The following CELSR1 variants were observed in gnomAD, a reference collection of about 807,000 sequenced individuals.
CELSR1 encodes cadherin EGF LAG seven-pass G-type receptor 1, also known as adhesion G protein-coupled receptor C1.
Under a neutral mutation model 249.1 loss-of-function variants are expected in CELSR1, and 110 were observed. The ratio of observed to expected loss-of-function variants is 0.44; its 90% CI spans 0.38 to 0.52. The LOEUF is 0.52. Among genes scored for constraint, CELSR1 ranks in the 20% least tolerant of loss-of-function variants. The pLI is 0.00. For missense variants in CELSR1, 4,109 were observed against 4,296.4 expected (o/e 0.96, Z 1.22); for synonymous variants, 2,113 against 1,900.0 (o/e 1.11, Z -2.92).
intron 2 of CELSR1, among the ~76,000 whole-genome samples, chr22:46,463,106 G>C (rs3788696): frequency 0.48 from 72,960 of 152,118 alleles, 17,941 homozygotes; most frequent in East Asian, 0.63. Context: ...TTTCTTTTAA[G>C]TGGATCTCAC....
At chr22:46,400,392 C>T (rs576543620) in intron 9 of CELSR1, among the ~76,000 whole-genome samples, 12 of 150,384 alleles carry the variant, frequency 8.0e-5, no homozygotes, top group African/African-American at 2.2e-4. Flanking sequence ...AATCCCAGCA[C>T]GTTGGGAGGC....
intron 1 of CELSR1, among the ~76,000 whole-genome samples, chr22:46,489,899 A>C (rs1190598212): frequency 6.6e-5 from 10 of 151,388 alleles, no homozygotes; most frequent in Middle Eastern, 3.4e-3. Context: ...TTCTCAAAAA[A>C]AAAAAAGCCC....
chr22:46,459,040 G>C (rs909208556), intron 2 of CELSR1, among the ~76,000 whole-genome samples: 16 of 150,566 alleles, frequency 1.1e-4, no homozygotes, highest in African/African-American at 3.9e-4. Flanking sequence ...CTACAGGCGT[G>C]TGCCACCACA....
Position 46,409,765 on chromosome 22 carries a change from G to T in CELSR1, c.5049C>A (p.Asn1683Lys). ...CECPLRFGGK[N>K]CEQAMPHPQL... ...ACGCCGGCCACTCACCTTGCTCACA[G>T]TTCTTCCCGCCGAATCGGAGTGGAC... Residue 1683 changes from asparagine to lysine, a missense_variant, in exon 8 of 35, where the codon AAC becomes AAA. Transcript: ENST00000674500. The surrounding 1 kb of genome is among the most constrained non-coding windows in gnomAD (Gnocchi z 9.8). 1 of 1,613,396 alleles carries T rather than the reference G, an allele frequency of 6.2e-7. No individual in the cohort carries two copies. Among genetic ancestry groups the T allele is most frequent in the Non-Finnish European group, 8.5e-7 (1 of 1,180,010 alleles).
Position 46,446,694 on chromosome 22 carries a change from C to G in CELSR1, c.4184-7283G>C, listed in dbSNP as rs1055350871. 6.6e-6 allele frequency among the ~76,000 whole-genome samples: 1 copy of G among 152,128 alleles called. No homozygotes were observed. The highest frequency in any genetic ancestry group is 2.4e-5 in the African/African-American group (1 of 41,418). ...AAAAAATGCCAGGATTTCCCCAGTT[C>G]CAAGCCAATGACTGATGCCTGCACT... On this transcript the variant is annotated intron_variant, in intron 2 of 34. Coordinates refer to ENST00000674500, the MANE Select transcript of CELSR1 (RefSeq NM_001378328.1). This position sits in a 1 kb window ranked among gnomAD's most constrained non-coding sequence, Gnocchi z 5.5.
intron 1 of CELSR1, among the ~76,000 whole-genome samples, chr22:46,486,259 T>C (rs2080312037): frequency 6.7e-6 from 1 of 150,150 alleles, no homozygotes; most frequent in East Asian, 2.1e-4. Context: ...TTTAAAGTCA[T>C]GCATCAAGGC....
chr22:46,381,554 T>TCC lies in CELSR1; in HGVS notation c.7088+290_7088+291dup, dbSNP rs767986752. On this transcript the variant is annotated intron_variant, in intron 21 of 34. Transcript: ENST00000674500. The surrounding 1 kb of genome is among the most constrained non-coding windows in gnomAD (Gnocchi z 6.0). ...CCAGGTGTGTGGGGACAGAATGGGGTCCCTCTGGGCACAAGATGGGGTGTA... is the reference window on the plus strand; with the variant it reads ...CCAGGTGTGTGGGGACAGAATGGGGTCCCCCTCTGGGCACAAGATGGGGTGTA... Among the ~76,000 whole-genome samples the TCC allele has an allele frequency of 1.3e-5, 2 of 152,064 alleles. No homozygotes were observed. The highest frequency in any genetic ancestry group is 2.9e-5 in the Non-Finnish European group (2 of 68,014).
chr22:46,415,707 ATCCT>A (rs2079392007), intron 5 of CELSR1, among the ~76,000 whole-genome samples: 1 of 152,016 alleles, frequency 6.6e-6, no homozygotes, highest in South Asian at 2.1e-4. Flanking sequence ...TTTCGGGAAG[ATCCT>A]TCCAATTTTT....
In CELSR1 at chr22:46,393,629, T is replaced by C. The variant is rs1569130639; in HGVS notation, c.5964+513A>G. 1.3e-5 allele frequency among the ~76,000 whole-genome samples: 2 copies of C among 151,152 alleles called. No individual in the cohort carries two copies. The highest frequency in any genetic ancestry group is 2.9e-5 in the Non-Finnish European group (2 of 67,918). The stretch of plus-strand genomic sequence containing the variant: ...GGTGGGCGCCTATAATCCCAGCTAC[T>C]CAGGAGGCTGAGGCAGAAGAATTGC... On this transcript the variant is annotated intron_variant, in intron 14 of 34. Coordinates refer to ENST00000674500, the MANE Select transcript of CELSR1 (RefSeq NM_001378328.1). The surrounding 1 kb of genome is among the most constrained non-coding windows in gnomAD (Gnocchi z 4.1).
At chr22:46,385,540 C>T (rs191497221) in intron 19 of CELSR1, among the ~76,000 whole-genome samples, 7 of 152,274 alleles carry the variant, frequency 4.6e-5, no homozygotes, top group Admixed American at 2.0e-4. Flanking sequence ...GAAGCCCTGC[C>T]GGACCCCCAA....
intron 1 of CELSR1, among the ~76,000 whole-genome samples, chr22:46,531,502 G>C (rs904949914): frequency 6.6e-6 from 1 of 152,156 alleles, no homozygotes; most frequent in Non-Finnish European, 1.5e-5. Flanking sequence ...CACTGCGCCT[G>C]GTCATATGCC....
At chr22:46,371,165 G>T (rs76029134) in intron 25 of CELSR1, among the ~76,000 whole-genome samples, 1 of 152,108 alleles carries the variant, frequency 6.6e-6, no homozygotes. Flanking sequence ...GGGTGGAGGT[G>T]AAAAAGGTTC....
rs1368480201 is a variant in CELSR1, at chr22:46,472,842, C to T, written c.3545-8497G>A. On this transcript the variant is annotated intron_variant, in intron 1 of 34. Coordinates refer to ENST00000674500, the MANE Select transcript of CELSR1 (RefSeq NM_001378328.1). The surrounding 1 kb of genome is among the most constrained non-coding windows in gnomAD (Gnocchi z 7.0). ...TTGGCTCCTAGGTGCACCCCTCTGGCCTCTGCCTCTGCGCCAAGTGGCTAT... is the reference window on the plus strand; with the variant it reads ...TTGGCTCCTAGGTGCACCCCTCTGGTCTCTGCCTCTGCGCCAAGTGGCTAT... 3.9e-5 allele frequency among the ~76,000 whole-genome samples: 6 copies of T among 152,168 alleles called. No homozygotes were observed. The highest frequency in any genetic ancestry group is 7.3e-5 in the Non-Finnish European group (5 of 68,044).
intron 1 of CELSR1, among the ~76,000 whole-genome samples, chr22:46,480,228 T>C (rs1341253656): frequency 6.6e-6 from 1 of 152,192 alleles, no homozygotes; most frequent in Non-Finnish European, 1.5e-5. Context: ...CCACAATTAG[T>C]GTGTCGTCGC....
chr22:46,412,411 A>G lies in CELSR1; in HGVS notation c.4612-652T>C, dbSNP rs758618125. Among the ~76,000 whole-genome samples, 1 of 152,008 alleles carries G rather than the reference A, an allele frequency of 6.6e-6. No individual in the cohort carries two copies. The highest frequency in any genetic ancestry group is 2.4e-5 in the African/African-American group (1 of 41,374). ...CTGCTCTTCTGGGGGTGTCCTCCTG[A>G]CCACGGCACCTGGCCAGGTTCGTGC... is the stretch of plus-strand genomic sequence containing the variant. On this transcript the variant is annotated intron_variant, in intron 5 of 34. Coordinates refer to ENST00000674500, the MANE Select transcript of CELSR1 (RefSeq NM_001378328.1). The surrounding 1 kb of genome is among the most constrained non-coding windows in gnomAD (Gnocchi z 4.5).
chr22:46,536,150 C>T lies in CELSR1; in HGVS notation c.1021G>A (p.Val341Ile). 1 of 1,613,016 alleles carries T rather than the reference C, an allele frequency of 6.2e-7. No homozygotes were observed. Among genetic ancestry groups the T allele is most frequent in the Admixed American group, 1.7e-5 (1 of 60,034 alleles). The change falls in exon 1 of 35, where the codon GTC becomes ATC. Residue 341 changes from valine (V) to isoleucine (I), a missense_variant. Val to Ile is a conservative substitution (Grantham distance 29, BLOSUM62 3). This residue lies in a region of CELSR1 where 673 missense variants were observed against 636.8 expected (regional missense o/e 1.06). Coordinates refer to ENST00000674500, the MANE Select transcript of CELSR1 (RefSeq NM_001378328.1). The part of the protein sequence containing the change: ...PPRSATTYIT[V>I]LVKDTNDHSP... Reference sequence around the variant, plus strand: ...TGGTCGTTGGTGTCTTTGACCAAGACAGTGATGTAGGTGGTGGCCGAGCGC... The same window carrying T: ...TGGTCGTTGGTGTCTTTGACCAAGATAGTGATGTAGGTGGTGGCCGAGCGC...
rs2080336864 is a variant in CELSR1, at chr22:46,488,448, T to C, written c.3545-24103A>G. Among the ~76,000 whole-genome samples the C allele has an allele frequency of 6.6e-6, 1 of 152,156 alleles. No individual in the cohort carries two copies. Among genetic ancestry groups the C allele is most frequent in the African/African-American group, 2.4e-5 (1 of 41,428 alleles). The stretch of plus-strand genomic sequence containing the variant: ...ACCGTAGTGCCATAGAGCGTGCACC[T>C]AGGCGTGCGTGCCAGTGAGCTCAGT... On this transcript the variant is annotated intron_variant, in intron 1 of 34. Transcript: ENST00000674500. This position sits in a 1 kb window ranked among gnomAD's most constrained non-coding sequence, Gnocchi z 4.7.
intron 5 of CELSR1, among the ~76,000 whole-genome samples, chr22:46,419,209 CTGGGAATTATA>C (rs2079437468): frequency 6.6e-6 from 1 of 152,156 alleles, no homozygotes; most frequent in African/African-American, 2.4e-5. Context: ...TTTTGGGAGC[CTGGGAATTATA>C]TGGGGATTTG....
At chr22:46,465,505 G>A (rs759219553) in intron 1 of CELSR1, among the ~76,000 whole-genome samples, 2 of 152,188 alleles carry the variant, frequency 1.3e-5, no homozygotes, top group South Asian at 4.1e-4. Context: ...GTGAGGAAGT[G>A]TCTGGGCCTT....
Sources: gnomAD v4.1 joint callset for allele counts (sites outside exome capture counted in the v4.1 genomes callset) on GRCh38, gnomAD v4.1.1 for gene constraint, gnomAD v4.1.1 regional missense constraint, Gnocchi (gnomAD v3.1) non-coding constraint, MANE v1.5 for transcripts, NCBI Gene and HGNC (gene_info 2026-07-23, HGNC 2026-07-21) for gene names.